Variants in SZT2 observed in about 807,000 individuals in gnomAD.
The protein encoded by SZT2 is SZT2 subunit of KICSTOR complex.
SZT2 carries 216 observed loss-of-function variants against 404.2 expected under a neutral mutation model. The ratio of observed to expected loss-of-function variants is 0.53; its 90% CI spans 0.48 to 0.60. SZT2 has a LOEUF of 0.60. SZT2 is among the 20% of genes least tolerant of loss of function. SZT2 has a pLI of 0.00. For missense variants in SZT2, 3,857 were observed against 4,459.2 expected, an observed-to-expected ratio of 0.86 and a Z score of 3.85; for synonymous variants, 1,693 against 1,749.9, an observed-to-expected ratio of 0.97 and a Z score of 0.81.
In SZT2 at chr1:43,422,230, G is replaced by A; in HGVS notation, c.1769+5G>A. 1 of 1,577,794 alleles carries A rather than the reference G, an allele frequency of 6.3e-7. No individual in the cohort carries two copies. Among genetic ancestry groups the A allele is most frequent in the Non-Finnish European group, 8.6e-7 (1 of 1,164,602 alleles). ...GCTAATCCTGGAGCATGACACGTGG[G>A]TGCCCTTAGGGCTGGGCCATAGTTG... On this transcript the variant is annotated splice_donor_5th_base_variant and intron_variant, in intron 12 of 71. Coordinates refer to ENST00000634258, the MANE Select transcript of SZT2 (RefSeq NM_001365999.1).
chr1:43,438,713 G>A lies in SZT2; in HGVS notation c.6523G>A (p.Asp2175Asn). 6.2e-7 allele frequency: 1 copy of A among 1,614,040 alleles called. No homozygotes were observed. Among genetic ancestry groups the A allele is most frequent in the Non-Finnish European group, 8.5e-7 (1 of 1,179,966 alleles). ...GVGQAGPEIT[D>N]ELVRVLCRRL... is the part of the protein sequence containing the mutation. Reference sequence around the variant, plus strand: ...GCTGTGTCAAGGTCCTGAGATCACGGATGAGCTCGTGCGAGTTCTATGTCG... The same window carrying A: ...GCTGTGTCAAGGTCCTGAGATCACGAATGAGCTCGTGCGAGTTCTATGTCG... The change falls in exon 47 of 72, where the codon GAT (aspartate) becomes AAT (asparagine). Residue 2175 changes from aspartate (D) to asparagine (N), a missense_variant. Around this residue, in one of 7 missense-constraint regions of SZT2, gnomAD observed 261 missense variants for 372.9 expected, o/e 0.70. Coordinates refer to ENST00000634258, the MANE Select transcript of SZT2 (RefSeq NM_001365999.1).
chr1:43,434,281 T>TC, intron 40 of SZT2, 105 bp from the exon 41 acceptor site: 1 of 978,676 alleles, frequency 1.0e-6, no homozygotes, highest in Non-Finnish European at 1.5e-6. Flanking sequence ...TGACTTTCTC[T>TC]CCCCCTCGTG....
intron 11 of SZT2, 100 bp downstream of exon 11, chr1:43,421,403 G>A (rs544740227): frequency 1.8e-4 from 271 of 1,494,384 alleles, no homozygotes; most frequent in African/African-American, 4.7e-4. Flanking sequence ...TCTGTCTCAC[G>A]TCTAAGGCAC....
At position 43,419,742 on chromosome 1, in the gene SZT2, A is replaced by G; in HGVS notation, c.888A>G (p.Gly296=). The G allele has an allele frequency of 6.3e-7, 1 of 1,597,606 alleles. No homozygotes were observed. The highest frequency in any genetic ancestry group is 2.2e-5 in the East Asian group (1 of 44,868). The change falls in exon 8 of 72, where the codon GGA becomes GGG. Residue 296 remains glycine (G), a synonymous_variant. Transcript: ENST00000634258. ...TTGCTCACTTTTTCCAGGTGGGAGG[A>G]GTTTACTCTTATGACTGCAGTTTTG... is the stretch of plus-strand genomic sequence containing the variant. The part of the protein sequence containing the change: ...TVACSFVQVG[G]VYSYDCSFGH...
chr1:43,452,723 C>T lies in SZT2; in HGVS notation c.*2243C>T. ...TTTCCCATCTGTTTTCTGCCCCCAC[C>T]ATTGACCAGTAGTGATCCCCTCTTG... On this transcript the variant is annotated 3_prime_UTR_variant, in exon 72 of 72. Transcript: ENST00000634258. 1 of 636,058 alleles carries T rather than the reference C, an allele frequency of 1.6e-6. No homozygotes were observed. Among genetic ancestry groups the T allele is most frequent in the Non-Finnish European group, 2.8e-6 (1 of 360,936 alleles). The allele number at this position is 636,058 out of a possible 1,614,324, so 39.4% of individuals were successfully genotyped here.
chr1:43,422,920 C>T (rs1348795267), intron 14 of SZT2, 37 bp downstream of exon 14: 1 of 1,544,518 alleles, frequency 6.5e-7, no homozygotes, highest in Non-Finnish European at 8.7e-7. Flanking sequence ...CCAAGGAGCC[C>T]TAGGGTGTAG....
rs749551319 is a variant in SZT2 at position 43,415,928 on chromosome 1, C to T, written c.631-32C>T. ...ATGGATGGGGCAGCAATGCCATCTGCCCCATTCTGTCTTTTCTGTAACTTG... is the reference window on the plus strand; with the variant it reads ...ATGGATGGGGCAGCAATGCCATCTGTCCCATTCTGTCTTTTCTGTAACTTG... On this transcript the variant is annotated intron_variant, in intron 5 of 71. Coordinates refer to ENST00000634258, the MANE Select transcript of SZT2 (RefSeq NM_001365999.1). 2.5e-6 allele frequency: 4 copies of T among 1,581,838 alleles called. No homozygotes were observed. The Admixed American group carries it at 7.0e-5, about 28-fold the overall frequency.
At chr1:43,402,953 C>T (rs1649856387) in intron 1 of SZT2, among the ~76,000 whole-genome samples, 1 of 152,130 alleles carries the variant, frequency 6.6e-6, no homozygotes, top group South Asian at 2.1e-4. Flanking sequence ...ATGGAAAGGT[C>T]ACTTCATCTA....
rs1242352170 is a variant in SZT2, at chr1:43,453,716, G to T, written c.*3236G>T. 7.1e-7 allele frequency: 1 copy of T among 1,399,172 alleles called. No homozygotes were observed. Among genetic ancestry groups the T allele is most frequent in the East Asian group, 3.0e-5 (1 of 33,128 alleles). The allele number at this position is 1,399,172 out of a possible 1,614,324, so 86.7% of individuals were successfully genotyped here. Reference sequence around the variant, plus strand: ...CGGCCTCGAAGCCCGAGCTGCCCGCGGCCCGCACCCGCGCGGGGAGGCCGG... The same window carrying T: ...CGGCCTCGAAGCCCGAGCTGCCCGCTGCCCGCACCCGCGCGGGGAGGCCGG... On this transcript the variant is annotated 3_prime_UTR_variant, in exon 72 of 72. Transcript: ENST00000634258.
chr1:43,422,388 G>A, intron 12 of SZT2, 92 bp from the exon 13 acceptor site: 21 of 1,499,466 alleles, frequency 1.4e-5, no homozygotes, highest in Non-Finnish European at 1.9e-5. Flanking sequence ...CATAACCTCA[G>A]GCAAGGCCTA....
chr1:43,432,221 T>C (rs1359755629), intron 36 of SZT2, 51 bp from the exon 37 acceptor site: 4 of 1,507,302 alleles, frequency 2.7e-6, no homozygotes, highest in Non-Finnish European at 3.6e-6. Flanking sequence ...GCTCACCATG[T>C]GTAGGGAGGA....
At chr1:43,391,759 A>G (rs1461216762) in intron 1 of SZT2, among the ~76,000 whole-genome samples, 1 of 152,212 alleles carries the variant, frequency 6.6e-6, no homozygotes, top group African/African-American at 2.4e-5. Flanking sequence ...CCACATGTGT[A>G]ATATTAAATT....
chr1:43,430,874 C>CT (rs1653787755), intron 32 of SZT2, 75 bp from the exon 33 acceptor site: 2 of 1,583,508 alleles, frequency 1.3e-6, no homozygotes, highest in East Asian at 4.5e-5. Flanking sequence ...AGGGTTATGT[C>CT]TTTTAACACA....
Position 43,420,408 on chromosome 1 carries a change from G to A in SZT2, c.1261+85G>A. The stretch of plus-strand genomic sequence containing the variant: ...AGACCCACATGTATCACACATGAAA[G>A]AGTGTCACATTGAAGTCCTTATCAC... On this transcript the variant is annotated intron_variant, in intron 9 of 71. Coordinates refer to ENST00000634258, the MANE Select transcript of SZT2 (RefSeq NM_001365999.1). This position sits in a 1 kb window ranked among gnomAD's most constrained non-coding sequence, Gnocchi z 5.1. 7.0e-7 allele frequency: 1 copy of A among 1,430,776 alleles called. No homozygotes were observed. The highest frequency in any genetic ancestry group is 1.4e-5 in the South Asian group (1 of 69,998). The allele number at this position is 1,430,776 out of a possible 1,614,324, so 88.6% of individuals were successfully genotyped here.
chr1:43,428,383 C>T lies in SZT2; in HGVS notation c.4063C>T (p.His1355Tyr). 1.2e-6 allele frequency: 2 copies of T among 1,614,190 alleles called. No individual in the cohort carries two copies. Among genetic ancestry groups the T allele is most frequent in the Non-Finnish European group, 1.7e-6 (2 of 1,180,028 alleles). The part of the protein sequence containing the change: ...ALCGHTWGLP[H>Y]APPSPGPLSP... ...GTGTGGCCACACTTGGGGTTTGCCT[C>T]ATGCACCCCCAAGTCCTGGTCCTCT... The change falls in exon 28 of 72, where the codon CAT becomes TAT. Residue 1355 changes from histidine to tyrosine, a missense_variant. Coordinates refer to ENST00000634258, the MANE Select transcript of SZT2 (RefSeq NM_001365999.1).
intron 1 of SZT2, among the ~76,000 whole-genome samples, chr1:43,395,861 G>T (rs535686298): frequency 6.6e-6 from 1 of 152,194 alleles, no homozygotes; most frequent in African/African-American, 2.4e-5. Context: ...TTTGGAGTTC[G>T]ATGAGGACAT....
In SZT2 at chr1:43,419,869, A is replaced by G; in HGVS notation, c.1015A>G (p.Thr339Ala). ...GCCGGAGCCAGGCAACCTGGGTCTG[A>G]CTGTCTACCACCGGGCATTTCTCCT... ...PEPEPGNLGL[T>A]VYHRAFLLYS... Residue 339 changes from threonine (T) to alanine (A), a missense_variant, in exon 8 of 72, where the codon ACT (threonine) becomes GCT (alanine). By Grantham distance (58) the Thr-to-Ala change is moderately conservative. Around this residue, in one of 7 missense-constraint regions of SZT2, gnomAD observed 536 missense variants for 637.4 expected, o/e 0.84. Coordinates refer to ENST00000634258, the MANE Select transcript of SZT2 (RefSeq NM_001365999.1). 1 of 1,598,376 alleles carries G rather than the reference A, an allele frequency of 6.3e-7. No individual in the cohort carries two copies. The highest frequency in any genetic ancestry group is 1.1e-5 in the South Asian group (1 of 91,076).
In SZT2 at chr1:43,431,360, C is replaced by A; in HGVS notation, c.5012C>A (p.Pro1671Gln). 3 of 1,612,404 alleles carry A rather than the reference C, an allele frequency of 1.9e-6. No homozygotes were observed. Among genetic ancestry groups the A allele is most frequent in the Non-Finnish European group, 8.5e-7 (1 of 1,178,604 alleles). The change falls in exon 34 of 72, where the codon CCA becomes CAA. Residue 1671 changes from proline (P) to glutamine (Q), a missense_variant. Pro to Gln is a moderately conservative substitution (Grantham distance 76). Transcript: ENST00000634258. ...GGCCTCGGGCCCCCACTGCCACCCCCAGAAGAGGAGAGGTACTTCTTTATC... is the reference window on the plus strand; with the variant it reads ...GGCCTCGGGCCCCCACTGCCACCCCAAGAAGAGGAGAGGTACTTCTTTATC... ...DDGLGPPLPP[P>Q]EEERHPGLSN... is the part of the protein sequence containing the mutation.
chr1:43,448,765 C>T lies in SZT2; in HGVS notation c.10086+37C>T, dbSNP rs1234303076. 1.9e-6 allele frequency: 3 copies of T among 1,578,214 alleles called. No homozygotes were observed. The highest frequency in any genetic ancestry group is 1.7e-6 in the Non-Finnish European group (2 of 1,147,928). ...TGAGCTTCCTCTGAAAAGGGAAACACAGCAGAAATCCTCACCAAACAGATG... is the reference window on the plus strand; with the variant it reads ...TGAGCTTCCTCTGAAAAGGGAAACATAGCAGAAATCCTCACCAAACAGATG... On this transcript the variant is annotated intron_variant, in intron 70 of 71. Coordinates refer to ENST00000634258, the MANE Select transcript of SZT2 (RefSeq NM_001365999.1). The surrounding 1 kb of genome is among the most constrained non-coding windows in gnomAD (Gnocchi z 4.2).
Sources: allele counts gnomAD v4.1 joint callset (sites outside exome capture counted in the v4.1 genomes callset), GRCh38; gene constraint gnomAD v4.1.1; regional missense constraint gnomAD v4.1.1; non-coding constraint Gnocchi (gnomAD v3.1); transcripts MANE v1.5; gene names NCBI Gene and HGNC (gene_info 2026-07-23, HGNC 2026-07-21).